Variants in CCDC7 observed in about 807,000 individuals in gnomAD.
The protein encoded by CCDC7 is coiled-coil domain containing 7, also known as coiled-coil domain-containing protein 7.
A neutral mutation model predicts 196.9 loss-of-function variants in CCDC7; 183 were observed. The ratio of observed to expected loss-of-function variants is 0.93; its 90% CI spans 0.82 to 1.05. The LOEUF (loss-of-function observed/expected upper bound fraction) is 1.05, where lower values mean the gene tolerates loss of function less well. CCDC7 is among the 50% of genes least tolerant of loss of function. The pLI, the probability that CCDC7 is intolerant of heterozygous loss-of-function variation, is 0.00. For synonymous variants in CCDC7, 525 were observed against 484.6 expected, an observed-to-expected ratio of 1.08 and a Z score of -1.10; for missense variants, 1,540 against 1,482.2, an observed-to-expected ratio of 1.04 and a Z score of -0.64.
At chr10:32,637,709 G>A (rs1345007327) in intron 20 of CCDC7, among the ~76,000 whole-genome samples, 2 of 152,104 alleles carry the variant, frequency 1.3e-5, no homozygotes, top group African/African-American at 2.4e-5. Flanking sequence ...ACTTGGTGAT[G>A]TGGGCTCTTT....
At chr10:32,869,814 TCG>T (rs1247976019) in intron 41 of CCDC7, among the ~76,000 whole-genome samples, 3 of 82,052 alleles carry the variant, frequency 3.7e-5, no homozygotes, top group Non-Finnish European at 1.3e-4. Context: ...AAATAGGGAA[TCG>T]TTTCCCCATT....
At chr10:32,596,672 C>A (rs1232628061) in intron 18 of CCDC7, among the ~76,000 whole-genome samples, 1 of 151,766 alleles carries the variant, frequency 6.6e-6, no homozygotes, top group East Asian at 1.9e-4. Context: ...GCTGGTTGTT[C>A]CTTTCCATGT....
chr10:32,667,035 CTGT>C (rs2072934549), intron 21 of CCDC7, among the ~76,000 whole-genome samples: 1 of 152,140 alleles, frequency 6.6e-6, no homozygotes, highest in South Asian at 2.1e-4. Context: ...TCTCCAGCAC[CTGT>C]TGTTTCCTGA....
Position 32,473,856 on chromosome 10 carries a change from G to T in CCDC7, c.740-111G>T. Reference sequence around the variant, plus strand: ...TGTTGGCAGTTATTATTTTTTCAAAGTTTTCTTTCTTCTGAATAAGTTACT... The same window carrying T: ...TGTTGGCAGTTATTATTTTTTCAAATTTTTCTTTCTTCTGAATAAGTTACT... On this transcript the variant is annotated intron_variant, in intron 7 of 41. Coordinates refer to ENST00000639629, the Ensembl canonical transcript of CCDC7. 3.8e-6 allele frequency: 4 copies of T among 1,041,936 alleles called. No individual in the cohort carries two copies. The South Asian group carries it at 1.0e-4, about 27-fold the overall frequency. The allele number at this position is 1,041,936 out of a possible 1,614,324, so 64.5% of individuals were successfully genotyped here.
chr10:32,833,353 TAAAAAAA>T (rs71185223), intron 32 of CCDC7, among the ~76,000 whole-genome samples: 13 of 150,040 alleles, frequency 8.7e-5, no homozygotes, highest in East Asian at 3.9e-4. Context: ...ACCCTTTTTT[TAAAAAAA>T]AAAAAAAGAA....
intron 18 of CCDC7, among the ~76,000 whole-genome samples, chr10:32,632,924 C>A (rs1014906921): frequency 1.2e-4 from 19 of 152,086 alleles, no homozygotes; most frequent in Non-Finnish European, 2.5e-4. Context: ...TTGGGTGGAG[C>A]CTTCTATGGG....
At chr10:32,474,210 CTTTTTTTTTTTTT>C (rs71027095) in intron 8 of CCDC7, among the ~76,000 whole-genome samples, 187 bp downstream of exon 9, 37 of 58,968 alleles carry the variant, frequency 6.3e-4, no homozygotes, top group African/African-American at 2.0e-3. Flanking sequence ...AAACTAGATT[CTTTTTTTTTTTTT>C]TTTTTTTTTT....
chr10:32,865,458 C>A (rs2094170170), intron 41 of CCDC7, among the ~76,000 whole-genome samples: 1 of 151,214 alleles, frequency 6.6e-6, no homozygotes, highest in Non-Finnish European at 1.5e-5. Context: ...TATAAAGTGA[C>A]AATACCAAAT....
intron 28 of CCDC7, among the ~76,000 whole-genome samples, chr10:32,772,794 T>C (rs944913779): frequency 5.9e-5 from 9 of 152,224 alleles, no homozygotes; most frequent in Middle Eastern, 3.2e-3. Flanking sequence ...CCTGGTGATA[T>C]GGACTTTCAG....
chr10:32,472,576 A>G (rs1418328537), intron 7 of CCDC7, 34 bp downstream of exon 8: 2 of 1,461,202 alleles, frequency 1.4e-6, no homozygotes, highest in East Asian at 5.2e-5. Context: ...ATCCTTAAAA[A>G]TTTTATTAAA....
chr10:32,454,834 C>T (rs539996073), intron 2 of CCDC7, among the ~76,000 whole-genome samples: 58 of 152,284 alleles, frequency 3.8e-4, no homozygotes, highest in African/African-American at 1.4e-3. Flanking sequence ...TCCTGTCTTT[C>T]CCACTCAGTC....
chr10:32,695,062 C>G (rs2077538301), intron 24 of CCDC7, 70 bp downstream of exon 25: 7 of 775,420 alleles, frequency 9.0e-6, no homozygotes, highest in Non-Finnish European at 1.2e-5. Flanking sequence ...TTCTTTGGTT[C>G]ATGACTATGT....
intron 11 of CCDC7, among the ~76,000 whole-genome samples, chr10:32,530,296 A>G (rs889827624): frequency 1.3e-5 from 2 of 152,030 alleles, no homozygotes; most frequent in South Asian, 2.1e-4. Flanking sequence ...TGTTTTTTCT[A>G]GTTCTGTGAA....
chr10:32,671,197 G>A (rs1001521345), intron 21 of CCDC7, among the ~76,000 whole-genome samples: 17 of 152,114 alleles, frequency 1.1e-4, no homozygotes, highest in Non-Finnish European at 2.5e-4. Context: ...CTCACTCAGA[G>A]TAACTCTTAG....
chr10:32,839,425 G>C (rs567770719), intron 33 of CCDC7, among the ~76,000 whole-genome samples: 1 of 151,810 alleles, frequency 6.6e-6, no homozygotes, highest in South Asian at 2.1e-4. Flanking sequence ...GGACATTATA[G>C]AATGATAAAA....
intron 41 of CCDC7, among the ~76,000 whole-genome samples, chr10:32,861,000 G>T (rs1350193537): frequency 6.6e-6 from 1 of 151,494 alleles, no homozygotes; most frequent in African/African-American, 2.4e-5. Context: ...GTAATTTATA[G>T]GTTCAATGCT....
At chr10:32,678,187 T>C (rs1358981863) in intron 21 of CCDC7, among the ~76,000 whole-genome samples, 1 of 152,096 alleles carries the variant, frequency 6.6e-6, no homozygotes, top group Non-Finnish European at 1.5e-5. Context: ...AGGCCATTAT[T>C]TTTATGTCTT....
chr10:32,624,508 C>T (rs1293371055), intron 18 of CCDC7, among the ~76,000 whole-genome samples: 2 of 152,162 alleles, frequency 1.3e-5, no homozygotes, highest in Non-Finnish European at 2.9e-5. Context: ...AGGGTATTCT[C>T]AGTGCTTCAA....
intron 28 of CCDC7, among the ~76,000 whole-genome samples, chr10:32,754,009 T>C (rs1016932951): frequency 3.3e-5 from 5 of 152,096 alleles, no homozygotes; most frequent in African/African-American, 1.2e-4. Flanking sequence ...CATGATGAAA[T>C]GAAATGTTCA....
Sources: allele counts gnomAD v4.1 joint callset (sites outside exome capture counted in the v4.1 genomes callset), GRCh38; gene constraint gnomAD v4.1.1; transcripts MANE v1.5; gene names NCBI Gene and HGNC (gene_info 2026-07-23, HGNC 2026-07-21).